Variants in SRGAP1 observed in about 807,000 individuals in gnomAD.
SRGAP1 encodes the protein SLIT-ROBO Rho GTPase-activating protein 1.
A neutral mutation model predicts 121.9 loss-of-function variants in SRGAP1; 43 were observed. The ratio of observed to expected loss-of-function variants is 0.35; its 90% CI spans 0.28 to 0.46. The LOEUF (loss-of-function observed/expected upper bound fraction) is 0.46, where lower values mean the gene tolerates loss of function less well. Among genes scored for constraint, SRGAP1 ranks in the 20% least tolerant of loss-of-function variants. The probability of loss-of-function intolerance (pLI) is 1.00; values close to 1 mark genes in which losing one functional copy is unlikely to be tolerated. For synonymous variants in SRGAP1, 447 were observed against 485.4 expected, an observed-to-expected ratio of 0.92 and a Z score of 1.04; for missense variants, 1,102 against 1,350.9, an observed-to-expected ratio of 0.82 and a Z score of 2.89.
At chr12:63,899,386 T>C (rs1260893263) in intron 1 of SRGAP1, among the ~76,000 whole-genome samples, 1 of 151,840 alleles carries the variant, frequency 6.6e-6, no homozygotes, top group East Asian at 1.9e-4. Context: ...TATTACAAAT[T>C]GTACTTTTGT....
At chr12:63,937,567 C>T (rs910634727) in intron 1 of SRGAP1, among the ~76,000 whole-genome samples, 1 of 152,162 alleles carries the variant, frequency 6.6e-6, no homozygotes, top group African/African-American at 2.4e-5. Context: ...AGCAGGGATG[C>T]TGAATTTGGA....
At chr12:64,048,004 A>T (rs1013073304) in intron 6 of SRGAP1, among the ~76,000 whole-genome samples, 1 of 152,124 alleles carries the variant, frequency 6.6e-6, no homozygotes, top group Admixed American at 6.6e-5. Flanking sequence ...ATATGTTTTT[A>T]GTTATTTTTA....
chr12:63,934,134 A>G (rs930017457), intron 1 of SRGAP1, among the ~76,000 whole-genome samples: 37 of 152,100 alleles, frequency 2.4e-4, no homozygotes, highest in African/African-American at 8.7e-4. Flanking sequence ...CCTGAAAAAA[A>G]CAAGGAGACT....
intron 15 of SRGAP1, among the ~76,000 whole-genome samples, chr12:64,105,903 A>T (rs1041404370): frequency 1.3e-5 from 2 of 152,220 alleles, no homozygotes; most frequent in African/African-American, 4.8e-5. Flanking sequence ...AAGATGAATA[A>T]TATAGTAAGA....
intron 21 of SRGAP1, among the ~76,000 whole-genome samples, chr12:64,130,786 A>G (rs769428348): frequency 2.8e-4 from 42 of 152,232 alleles, no homozygotes; most frequent in Non-Finnish European, 5.0e-4. Flanking sequence ...AAGGCATTCC[A>G]TGAGTCACAG....
rs555828391 is a variant in SRGAP1, at chr12:63,898,476, A to G, written c.67+53593A>G. On this transcript the variant is annotated intron_variant, in intron 1 of 21. Coordinates refer to ENST00000355086, the MANE Select transcript of SRGAP1 (RefSeq NM_020762.4). ...AAGGTAATTGTCAGATAAAATGAAC[A>G]CTTCATTGGGCACTTCTGTCTCTGT... Among the ~76,000 whole-genome samples, 18 of 152,330 alleles carry G rather than the reference A, an allele frequency of 1.2e-4. No homozygotes were observed. The South Asian group carries it at 3.5e-3, about 30-fold the overall frequency.
At chr12:64,092,846 AGAAT>A (rs1164126113) in intron 12 of SRGAP1, among the ~76,000 whole-genome samples, 1 of 152,206 alleles carries the variant, frequency 6.6e-6, no homozygotes, top group Non-Finnish European at 1.5e-5. Flanking sequence ...ATACAGTACG[AGAAT>A]GGCTGCTTAA....
At chr12:64,132,333 A>G (rs530519981) in intron 21 of SRGAP1, among the ~76,000 whole-genome samples, 1 of 152,224 alleles carries the variant, frequency 6.6e-6, no homozygotes, top group Admixed American at 6.5e-5. Context: ...CTGATGGGTC[A>G]TATGGCCCAA....
chr12:64,005,647 T>TA (rs918612549), intron 3 of SRGAP1, among the ~76,000 whole-genome samples: 1 of 150,604 alleles, frequency 6.6e-6, no homozygotes, highest in Non-Finnish European at 1.5e-5. Context: ...CCCTGTCTCT[T>TA]AAAAAAAAAT....
At chr12:63,881,891 A>G (rs1900206599) in intron 1 of SRGAP1, among the ~76,000 whole-genome samples, 1 of 152,238 alleles carries the variant, frequency 6.6e-6, no homozygotes, top group Non-Finnish European at 1.5e-5. Flanking sequence ...GAGAGTTGAT[A>G]TACAGCTCAT....
At chr12:63,896,714 C>CT (rs1900765376) in intron 1 of SRGAP1, among the ~76,000 whole-genome samples, 1 of 152,168 alleles carries the variant, frequency 6.6e-6, no homozygotes, top group African/African-American at 2.4e-5. Context: ...ATTTAAAACT[C>CT]TTGTGTATAC....
chr12:63,902,131 A>G (rs1345237791), intron 1 of SRGAP1, among the ~76,000 whole-genome samples: 1 of 152,210 alleles, frequency 6.6e-6, no homozygotes, highest in African/African-American at 2.4e-5. Flanking sequence ...CCTGGGCAAC[A>G]TGGTGAAACC....
intron 14 of SRGAP1, 80 bp from the exon 15 acceptor site, chr12:64,097,161 C>T (rs960689613): frequency 7.5e-5 from 104 of 1,385,706 alleles, no homozygotes; most frequent in Middle Eastern, 1.9e-4. Flanking sequence ...TATATAGCAA[C>T]GTGTATGTTC....
chr12:63,966,496 T>A (rs995063684), intron 1 of SRGAP1, among the ~76,000 whole-genome samples: 4 of 152,174 alleles, frequency 2.6e-5, no homozygotes, highest in East Asian at 1.9e-4. Context: ...AATAAAACTT[T>A]CCACAGAATT....
At chr12:63,984,596 T>C (rs2033362745) in intron 2 of SRGAP1, among the ~76,000 whole-genome samples, 1 of 152,204 alleles carries the variant, frequency 6.6e-6, no homozygotes, top group Non-Finnish European at 1.5e-5. Flanking sequence ...TAATTGACAC[T>C]GATTTAAAAC....
rs1367274262 is a variant in SRGAP1 at position 63,860,712 on chromosome 12, T to G, written c.67+15829T>G. 3.9e-5 allele frequency among the ~76,000 whole-genome samples: 6 copies of G among 152,356 alleles called. 1 individual carries two copies. The highest frequency in any genetic ancestry group is 3.9e-4 in the Admixed American group (6 of 15,300). Reference sequence around the variant, plus strand: ...ATTGACTTGCCAGAAGTATGTTTATTAGTCTTTTCAAAGAACTAGGTTTTT... The same window carrying G: ...ATTGACTTGCCAGAAGTATGTTTATGAGTCTTTTCAAAGAACTAGGTTTTT... On this transcript the variant is annotated intron_variant, in intron 1 of 21. Transcript: ENST00000355086.
chr12:63,878,045 G>A lies in SRGAP1; in HGVS notation c.67+33162G>A, dbSNP rs575304493. 2.6e-5 allele frequency among the ~76,000 whole-genome samples: 4 copies of A among 152,278 alleles called. No homozygotes were observed. In the East Asian group the frequency reaches 7.7e-4, roughly 29 times the overall value. ...ACAGTATACCCTCCTTTAAAAAGCT[G>A]ACAAAGGAAAAATATCAAGAATGCA... On this transcript the variant is annotated intron_variant, in intron 1 of 21. Transcript: ENST00000355086.
chr12:64,134,680 T>C (rs1565696093), intron 21 of SRGAP1, among the ~76,000 whole-genome samples: 1 of 152,128 alleles, frequency 6.6e-6, no homozygotes, highest in Non-Finnish European at 1.5e-5. Flanking sequence ...TAGAACCTTT[T>C]TTAACTCCCC....
intron 11 of SRGAP1, among the ~76,000 whole-genome samples, chr12:64,087,505 G>A (rs894444858): frequency 6.6e-6 from 1 of 152,080 alleles, no homozygotes; most frequent in African/African-American, 2.4e-5. Context: ...AGACTGAGGC[G>A]GGTGGATCAC....
Sources: gnomAD v4.1 joint callset for allele counts (sites outside exome capture counted in the v4.1 genomes callset) on GRCh38, gnomAD v4.1.1 for gene constraint, MANE v1.5 for transcripts, NCBI Gene and HGNC (gene_info 2026-07-23, HGNC 2026-07-21) for gene names.